ADCY1: variants seen among roughly 807,000 people sequenced by gnomAD.
ADCY1 encodes adenylate cyclase type 1.
In ADCY1, 28 loss-of-function variants were observed where a neutral mutation model predicts 105.4. The observed-to-expected ratio is 0.27, with a 90% CI of 0.20 to 0.36. The LOEUF (loss-of-function observed/expected upper bound fraction) is 0.36. Ranked by LOEUF, ADCY1 falls within the 10% of genes least tolerant of loss-of-function variation. ADCY1 has a pLI of 1.00. For missense variants in ADCY1, 977 were observed against 1,434.2 expected (o/e 0.68, Z 5.15); for synonymous variants, 655 against 623.8 (o/e 1.05, Z -0.75).
intron 2 of ADCY1, among the ~76,000 whole-genome samples, chr7:45,606,942 G>A (rs565461458): frequency 1.2e-4 from 18 of 151,486 alleles, no homozygotes; most frequent in Middle Eastern, 7.0e-3. Context: ...TGGGCCTTGA[G>A]GGTTTTGAGA....
chr7:45,690,834 T>C (rs923932867), intron 14 of ADCY1, among the ~76,000 whole-genome samples: 12 of 152,240 alleles, frequency 7.9e-5, no homozygotes, highest in Non-Finnish European at 1.5e-4. Context: ...TCTGGGAGGA[T>C]ATGTTGACCC....
intron 8 of ADCY1, among the ~76,000 whole-genome samples, chr7:45,676,370 T>C: frequency 6.6e-6 from 1 of 152,230 alleles, no homozygotes; most frequent in Non-Finnish European, 1.5e-5. Context: ...TAGTATCTGT[T>C]GATTATCTTT....
chr7:45,676,520 A>G (rs937490317), intron 8 of ADCY1, among the ~76,000 whole-genome samples: 1 of 152,114 alleles, frequency 6.6e-6, no homozygotes, highest in African/African-American at 2.4e-5. Context: ...ACTTTACAGC[A>G]TTGGGGCAGT....
intron 8 of ADCY1, among the ~76,000 whole-genome samples, chr7:45,668,989 T>C (rs1198103338): frequency 6.6e-6 from 1 of 152,194 alleles, no homozygotes; most frequent in African/African-American, 2.4e-5. Context: ...CTCTTTATCA[T>C]TTTATATTGC....
intron 6 of ADCY1, among the ~76,000 whole-genome samples, chr7:45,659,448 G>T (rs1795030601): frequency 6.6e-6 from 1 of 152,200 alleles, no homozygotes; most frequent in Non-Finnish European, 1.5e-5. Context: ...CAGAGACTGT[G>T]GGTGTTCGTT....
At chr7:45,652,237 T>C (rs565297077) in intron 5 of ADCY1, among the ~76,000 whole-genome samples, 1 of 152,214 alleles carries the variant, frequency 6.6e-6, no homozygotes, top group East Asian at 1.9e-4. Context: ...GTCCCAACAT[T>C]GGGAATTACA....
At chr7:45,648,252 C>G (rs978573169) in intron 4 of ADCY1, among the ~76,000 whole-genome samples, 11 of 152,202 alleles carry the variant, frequency 7.2e-5, no homozygotes, top group Non-Finnish European at 1.3e-4. Context: ...TGGGGGGAAT[C>G]TAGCACATTC....
chr7:45,594,684 T>C (rs980097754), intron 2 of ADCY1, among the ~76,000 whole-genome samples: 1 of 152,176 alleles, frequency 6.6e-6, no homozygotes, highest in Non-Finnish European at 1.5e-5. Context: ...CTGGGTTTTA[T>C]AGCAGCTCTG....
chr7:45,578,907 A>C (rs1792433542), intron 1 of ADCY1, among the ~76,000 whole-genome samples: 1 of 152,232 alleles, frequency 6.6e-6, no homozygotes, highest in African/African-American at 2.4e-5. Context: ...GTAGGGATCC[A>C]TTGCAGTGTG....
chr7:45,673,612 G>T (rs1181831266), intron 8 of ADCY1, among the ~76,000 whole-genome samples: 1 of 151,952 alleles, frequency 6.6e-6, no homozygotes. Context: ...AGAGTATGTA[G>T]TAAAATTTCA....
intron 3 of ADCY1, among the ~76,000 whole-genome samples, chr7:45,611,302 G>A (rs982187664): frequency 2.6e-5 from 4 of 151,960 alleles, no homozygotes; most frequent in Non-Finnish European, 4.4e-5. Context: ...CCTACGTGTA[G>A]GGGGCTCTTG....
intron 11 of ADCY1, chr7:45,680,404 T>TACA (rs1784533348): frequency 1.3e-5 from 2 of 159,620 alleles, no homozygotes; most frequent in Admixed American, 1.2e-4. Flanking sequence ...GTGGCTCACT[T>TACA]GGAGGACTGT....
chr7:45,686,313 C>A lies in ADCY1; in HGVS notation c.2327+98C>A. 1 of 1,502,786 alleles carries A rather than the reference C, an allele frequency of 6.7e-7. No homozygotes were observed. The highest frequency in any genetic ancestry group is 1.3e-5 in the South Asian group (1 of 75,044). 93.1% of individuals were successfully genotyped at this position (1,502,786 alleles called of 1,614,324 possible). On this transcript the variant is annotated intron_variant, in intron 13 of 19. Coordinates refer to ENST00000297323, the MANE Select transcript of ADCY1 (RefSeq NM_021116.4). The surrounding 1 kb of genome is among the most constrained non-coding windows in gnomAD (Gnocchi z 4.3). ...ACAGGCTTCTGAGTCCAGAACTAGT[C>A]AAGTTGAATTGTATACACAATTTTT...
intron 2 of ADCY1, among the ~76,000 whole-genome samples, chr7:45,594,111 G>T (rs777427794): frequency 6.6e-6 from 1 of 152,192 alleles, no homozygotes; most frequent in African/African-American, 2.4e-5. Context: ...CTGTGTGGTT[G>T]CATGTGTGTG....
intron 3 of ADCY1, among the ~76,000 whole-genome samples, chr7:45,612,078 C>A (rs1035979800): frequency 6.6e-6 from 1 of 152,182 alleles, no homozygotes; most frequent in African/African-American, 2.4e-5. Flanking sequence ...TCAGCAGTCA[C>A]TGTTCTGAGC....
At chr7:45,595,157 A>G (rs1793037034) in intron 2 of ADCY1, among the ~76,000 whole-genome samples, 1 of 152,158 alleles carries the variant, frequency 6.6e-6, no homozygotes, top group South Asian at 2.1e-4. Context: ...GTATTTTCCC[A>G]AACTTGTGCT....
In ADCY1 at chr7:45,703,597, C is replaced by T. The variant is rs764930083; in HGVS notation, c.2572-3C>T. ...CTTCCTGACCCATCCTTTGAACTTC[C>T]AGGACCTCTACTACCAGTCCTACTC... On this transcript the variant is annotated splice_polypyrimidine_tract_variant and splice_region_variant and intron_variant, in intron 15 of 19. Coordinates refer to ENST00000297323, the MANE Select transcript of ADCY1 (RefSeq NM_021116.4). The surrounding 1 kb of genome is among the most constrained non-coding windows in gnomAD (Gnocchi z 5.9). 1.2e-6 allele frequency: 2 copies of T among 1,611,556 alleles called. No individual in the cohort carries two copies. Among genetic ancestry groups the T allele is most frequent in the Non-Finnish European group, 1.7e-6 (2 of 1,178,500 alleles).
intron 11 of ADCY1, among the ~76,000 whole-genome samples, chr7:45,681,350 G>A (rs900963789): frequency 1.3e-5 from 2 of 152,086 alleles, no homozygotes; most frequent in Admixed American, 1.3e-4. Context: ...CCAGTGTTTT[G>A]TTCTCTTGGT....
At position 45,717,277 on chromosome 7, in the gene ADCY1, A is replaced by T. The variant is rs1341877380; in HGVS notation, c.*3282A>T. The T allele has an allele frequency of 6.6e-6, 1 of 152,238 alleles. No homozygotes were observed. The highest frequency in any genetic ancestry group is 1.5e-5 in the Non-Finnish European group (1 of 68,042). The allele number at this position is 152,238 out of a possible 1,614,324, so 9.4% of individuals were successfully genotyped here. On this transcript the variant is annotated 3_prime_UTR_variant, in exon 20 of 20. Transcript: ENST00000297323. ...AAAGGACCCCATGGCAGACTTGGCA[A>T]GGTCTCCACTTCAGGGGCAAACATC...
Sources: gnomAD v4.1 joint callset for allele counts (sites outside exome capture counted in the v4.1 genomes callset) on GRCh38, gnomAD v4.1.1 for gene constraint, Gnocchi (gnomAD v3.1) non-coding constraint, MANE v1.5 for transcripts, NCBI Gene and HGNC (gene_info 2026-07-23, HGNC 2026-07-21) for gene names.